Variants in LPGAT1 observed in about 807,000 individuals in gnomAD.
LPGAT1 encodes acyl-CoA:lysophosphatidylglycerol acyltransferase 1.
LPGAT1 carries 11 observed loss-of-function variants against 47.5 expected under a neutral mutation model. That is an observed-to-expected ratio of 0.23 (90% CI 0.15 to 0.38). LPGAT1 has a LOEUF of 0.38. Ranked by LOEUF, LPGAT1 falls within the 10% of genes least tolerant of loss-of-function variation. LPGAT1 has a pLI of 1.00. For synonymous variants in LPGAT1, 138 were observed against 144.2 expected, an observed-to-expected ratio of 0.96 and a Z score of 0.31; for missense variants, 293 against 439.0, an observed-to-expected ratio of 0.67 and a Z score of 2.97.
intron 7 of LPGAT1, 93 bp from the exon 8 acceptor site, chr1:211,750,143 T>C: frequency 9.1e-7 from 1 of 1,102,812 alleles, no homozygotes; most frequent in Non-Finnish European, 1.3e-6. Flanking sequence ...CATTTGTACA[T>C]GTTAAAGCAC....
At position 211,779,023 on chromosome 1, in the gene LPGAT1, T is replaced by C; in HGVS notation, c.749A>G (p.Gln250Arg). 1 of 1,586,540 alleles carries C rather than the reference T, an allele frequency of 6.3e-7. No individual in the cohort carries two copies. The highest frequency in any genetic ancestry group is 8.5e-7 in the Non-Finnish European group (1 of 1,172,286). ...AGCTATCGTTGTATCTATTATCCAC[T>C]GGAGGCCTTTTGATTTGCTGTCTGA... is the stretch of plus-strand genomic sequence containing the variant. ...KELDSKSKGL[Q>R]WIIDTTIAYP... is the part of the protein sequence containing the mutation. The change falls in exon 6 of 8, where the codon CAG becomes CGG. Residue 250 changes from glutamine to arginine, a missense_variant. Transcript: ENST00000366997.
chr1:211,821,785 GAAT>G (rs1407960896), intron 2 of LPGAT1, among the ~76,000 whole-genome samples: 3 of 152,058 alleles, frequency 2.0e-5, no homozygotes, highest in Non-Finnish European at 2.9e-5. Flanking sequence ...AGAGAACTAA[GAAT>G]ATTAAAGTAA....
chr1:211,799,724 A>G (rs1434728739), intron 2 of LPGAT1, among the ~76,000 whole-genome samples: 1 of 152,306 alleles, frequency 6.6e-6, no homozygotes, highest in Middle Eastern at 3.4e-3. Context: ...ATTTTTCTCA[A>G]TGACAGTTGA....
At chr1:211,758,425 G>A (rs769304489) in intron 6 of LPGAT1, among the ~76,000 whole-genome samples, 6 of 152,116 alleles carry the variant, frequency 3.9e-5, no homozygotes, top group South Asian at 2.1e-4. Flanking sequence ...GTACAGGGCC[G>A]GGCATTGTGG....
At chr1:211,784,613 T>C (rs1658780591) in intron 4 of LPGAT1, among the ~76,000 whole-genome samples, 1 of 152,004 alleles carries the variant, frequency 6.6e-6, no homozygotes, top group Admixed American at 6.6e-5. Flanking sequence ...GATTCAATTA[T>C]ATTGTATTGA....
rs1475216925 is a variant in LPGAT1, at chr1:211,827,941, TG to T, written c.238+1117del. On this transcript the variant is annotated intron_variant, in intron 2 of 7. Transcript: ENST00000366997. The stretch of plus-strand genomic sequence containing the variant: ...GAGAAAAGGCTTCATCTGGGGCAAC[TG>T]AGAATACTCAGACATAGCAAGGGTC... 3.0e-4 allele frequency among the ~76,000 whole-genome samples: 45 copies of T among 152,352 alleles called. 1 individual carries two copies. The highest frequency in any genetic ancestry group is 2.9e-3 in the Admixed American group (45 of 15,310).
chr1:211,777,954 C>T (rs1658473352), intron 6 of LPGAT1, among the ~76,000 whole-genome samples: 1 of 152,154 alleles, frequency 6.6e-6, no homozygotes, highest in Admixed American at 6.5e-5. Flanking sequence ...ACAAGAGTGA[C>T]CTTTGGTCAT....
intron 5 of LPGAT1, 121 bp from the exon 6 acceptor site, chr1:211,779,165 C>A (rs1558264823): frequency 5.9e-6 from 4 of 679,930 alleles, no homozygotes; most frequent in Non-Finnish European, 9.1e-6. Context: ...AAGAAAAATT[C>A]TAAGGATGAA....
intron 2 of LPGAT1, among the ~76,000 whole-genome samples, chr1:211,794,351 T>G (rs1450077498): frequency 1.3e-5 from 2 of 152,126 alleles, no homozygotes; most frequent in Non-Finnish European, 2.9e-5. Flanking sequence ...TTGGCTGGAG[T>G]GCAATGGTGC....
intron 2 of LPGAT1, among the ~76,000 whole-genome samples, chr1:211,802,109 AAAAG>A (rs1347811018): frequency 6.6e-6 from 1 of 151,712 alleles, no homozygotes. Context: ...AAAAGAGAAA[AAAAG>A]AAAGAAAGAA....
chr1:211,823,026 G>A (rs1660415720), intron 2 of LPGAT1, among the ~76,000 whole-genome samples: 1 of 152,164 alleles, frequency 6.6e-6, no homozygotes. Context: ...TTAAAGAGTT[G>A]CATCTTCAGA....
At chr1:211,802,292 C>A (rs1659605513) in intron 2 of LPGAT1, among the ~76,000 whole-genome samples, 1 of 151,828 alleles carries the variant, frequency 6.6e-6, no homozygotes, top group Admixed American at 6.6e-5. Flanking sequence ...CAGGCGATAG[C>A]TACGAAACCT....
rs1660688131 is a variant in LPGAT1, at chr1:211,830,271, C to T, written c.-28+302G>A. On this transcript the variant is annotated intron_variant, in intron 1 of 7. Coordinates refer to ENST00000366997, the MANE Select transcript of LPGAT1 (RefSeq NM_014873.3). This position sits in a 1 kb window ranked among gnomAD's most constrained non-coding sequence, Gnocchi z 5.9. ...CGCGGTCATGGACGCGGTGGCGGCC[C>T]AAGCGGCCCGAGGCGCTGCGCGAGC... 2.0e-6 allele frequency: 2 copies of T among 1,013,236 alleles called. No homozygotes were observed. Among genetic ancestry groups the T allele is most frequent in the South Asian group, 4.6e-5 (1 of 21,586 alleles). The allele number at this position is 1,013,236 out of a possible 1,614,324, so 62.8% of individuals were successfully genotyped here.
chr1:211,763,896 G>T (rs370644986), intron 6 of LPGAT1, among the ~76,000 whole-genome samples: 1 of 152,098 alleles, frequency 6.6e-6, no homozygotes, highest in Non-Finnish European at 1.5e-5. Context: ...CTTGGGCTGG[G>T]TGCCATGGCT....
intron 2 of LPGAT1, among the ~76,000 whole-genome samples, chr1:211,806,119 G>A (rs1210533400): frequency 6.6e-6 from 1 of 152,102 alleles, no homozygotes; most frequent in African/African-American, 2.4e-5. Context: ...AATTAGCCAT[G>A]TGTGGTGGCA....
chr1:211,792,098 A>C (rs1236168222), intron 3 of LPGAT1: 1 of 151,494 alleles, frequency 6.6e-6, no homozygotes, highest in African/African-American at 2.4e-5. Context: ...ATATTCCCCC[A>C]ATCTTTTGTT....
At chr1:211,804,048 C>G (rs1477291387) in intron 2 of LPGAT1, among the ~76,000 whole-genome samples, 1 of 151,966 alleles carries the variant, frequency 6.6e-6, no homozygotes, top group Non-Finnish European at 1.5e-5. Context: ...CGTGAGCCAC[C>G]ACACCCAGCC....
intron 2 of LPGAT1, among the ~76,000 whole-genome samples, chr1:211,793,621 T>A (rs536162466): frequency 2.8e-4 from 43 of 151,932 alleles, no homozygotes; most frequent in African/African-American, 9.4e-4. Context: ...TTAGTAGAGA[T>A]GGGGTTTCAC....
intron 2 of LPGAT1, among the ~76,000 whole-genome samples, chr1:211,806,469 T>C (rs956795187): frequency 3.0e-4 from 45 of 151,906 alleles, no homozygotes; most frequent in African/African-American, 9.4e-4. Flanking sequence ...GACCTAAACA[T>C]TGGATATGCA....
Sources: gnomAD v4.1 joint callset for allele counts (sites outside exome capture counted in the v4.1 genomes callset) on GRCh38, gnomAD v4.1.1 for gene constraint, Gnocchi (gnomAD v3.1) non-coding constraint, MANE v1.5 for transcripts, NCBI Gene and HGNC (gene_info 2026-07-23, HGNC 2026-07-21) for gene names.